The following MYO16 variants were observed in gnomAD, a reference collection of about 807,000 sequenced individuals.
The protein encoded by MYO16 is unconventional myosin-XVI.
Under a neutral mutation model 205.3 loss-of-function variants are expected in MYO16, and 94 were observed. The ratio of observed to expected loss-of-function variants is 0.46; its 90% confidence interval spans 0.39 to 0.54. The LOEUF (loss-of-function observed/expected upper bound fraction) is 0.54. Ranked by LOEUF, MYO16 falls within the 20% of genes least tolerant of loss-of-function variation. The probability of loss-of-function intolerance (pLI) is 0.00; values close to 1 mark genes in which losing one functional copy is unlikely to be tolerated. For synonymous variants in MYO16, 988 were observed against 954.0 expected (o/e 1.04, Z -0.66); for missense variants, 2,315 against 2,387.5 (o/e 0.97, Z 0.63).
At chr13:108,983,445 A>G (rs767283459) in intron 20 of MYO16, among the ~76,000 whole-genome samples, 23 of 152,256 alleles carry the variant, frequency 1.5e-4, no homozygotes, top group Non-Finnish European at 3.2e-4. Context: ...AGAGTTGCAC[A>G]TTCTCTTGAA....
chr13:109,174,993 GC>G (rs1384283553), intron 33 of MYO16, among the ~76,000 whole-genome samples: 3 of 151,748 alleles, frequency 2.0e-5, no homozygotes, highest in African/African-American at 7.2e-5. Flanking sequence ...CTCGTGATCT[GC>G]CCGCCTCAGC....
chr13:108,620,026 A>T (rs1462606306), intron 1 of MYO16, among the ~76,000 whole-genome samples: 1 of 152,130 alleles, frequency 6.6e-6, no homozygotes, highest in African/African-American at 2.4e-5. Context: ...TGGTCAACAG[A>T]GTCATGCTCC....
At chr13:108,915,554 T>C (rs986582823) in intron 16 of MYO16, among the ~76,000 whole-genome samples, 1 of 152,216 alleles carries the variant, frequency 6.6e-6, no homozygotes, top group African/African-American at 2.4e-5. Context: ...TTGTATATTA[T>C]ACAAACGTTA....
intron 4 of MYO16, among the ~76,000 whole-genome samples, chr13:108,782,946 C>T (rs996681035): frequency 1.3e-5 from 2 of 152,146 alleles, no homozygotes; most frequent in African/African-American, 2.4e-5. Context: ...GCTGCAGGGG[C>T]GAGGCCCTCA....
chr13:108,574,708 T>C, the MYO16 span, among the ~76,000 whole-genome samples: 132 of 81,776 alleles, frequency 1.6e-3, 1 homozygote, highest in Middle Eastern at 7.6e-3. Context: ...TGTGTGTGTG[T>C]GCGCTTGTGT....
intron 34 of MYO16, among the ~76,000 whole-genome samples, chr13:109,189,701 C>A (rs999934206): frequency 1.3e-5 from 2 of 152,100 alleles, no homozygotes; most frequent in South Asian, 4.1e-4. Flanking sequence ...GAAAAAAAAT[C>A]GTCTTTTATG....
chr13:108,527,013 T>C, the MYO16 span, among the ~76,000 whole-genome samples: 1 of 152,212 alleles, frequency 6.6e-6, no homozygotes, highest in Non-Finnish European at 1.5e-5. Flanking sequence ...GGTCAAGTCA[T>C]TAAATTTGGA....
In MYO16 at chr13:109,206,713, C is replaced by A. The variant is rs1464509071; in HGVS notation, c.5520C>A (p.Ile1840=). The A allele has an allele frequency of 4.3e-6, 7 of 1,614,058 alleles. No homozygotes were observed. The African/African-American group carries it at 5.3e-5, about 12-fold the overall frequency. Reference sequence around the variant, plus strand: ...AGGAAGGACAAGACTGGCAGCAGATCCTGCACCACGCTGAGCCCAGGGTGC... The same window carrying A: ...AGGAAGGACAAGACTGGCAGCAGATACTGCACCACGCTGAGCCCAGGGTGC... ...LCEEGQDWQQ[I]LHHAEPRVPP... The change falls in exon 35 of 35, where the codon ATC becomes ATA. Residue 1840 remains isoleucine (I), a synonymous_variant. Coordinates refer to ENST00000457511, the MANE Select transcript of MYO16 (RefSeq NM_001198950.3).
At position 109,054,607 on chromosome 13, in the gene MYO16, A is replaced by G. The variant is rs565785716; in HGVS notation, c.3049-439A>G. On this transcript the variant is annotated intron_variant, in intron 25 of 34. Transcript: ENST00000457511. Reference sequence around the variant, plus strand: ...GAGGATCTATGTTTATTTTCACACTAAAATGAGTGCAGGATGGTGATAGAT... The same window carrying G: ...GAGGATCTATGTTTATTTTCACACTGAAATGAGTGCAGGATGGTGATAGAT... Among the ~76,000 whole-genome samples, 17 of 152,234 alleles carry G rather than the reference A, an allele frequency of 1.1e-4. No homozygotes were observed. In the South Asian group the frequency reaches 3.3e-3, roughly 30 times the overall value.
chr13:108,520,937 C>T, the MYO16 span, among the ~76,000 whole-genome samples: 5 of 152,238 alleles, frequency 3.3e-5, no homozygotes, highest in East Asian at 9.7e-4. Context: ...ATGGGTGATT[C>T]CCATCTTCCA....
At chr13:108,841,113 GATGACTCAC>G (rs1877218085) in intron 9 of MYO16, among the ~76,000 whole-genome samples, 1 of 152,136 alleles carries the variant, frequency 6.6e-6, no homozygotes, top group Non-Finnish European at 1.5e-5. Flanking sequence ...AACAAAGTTG[GATGACTCAC>G]ATGACTGGTT....
At chr13:108,696,198 A>C (rs886623936) in intron 2 of MYO16, among the ~76,000 whole-genome samples, 1 of 152,202 alleles carries the variant, frequency 6.6e-6, no homozygotes, top group Non-Finnish European at 1.5e-5. Context: ...AATACATTTT[A>C]ATTTATGCCT....
chr13:108,745,690 A>T (rs115511352), intron 4 of MYO16, among the ~76,000 whole-genome samples: 2,674 of 151,478 alleles, frequency 0.018, 31 homozygotes, highest in Non-Finnish European at 0.02. Context: ...TTGAAGATAT[A>T]AAAAAAACAT....
chr13:109,019,764 A>G lies in MYO16; in HGVS notation c.2649A>G (p.Ser883=). ...ATGAAGAAAGTCAAATGATTTGGTC[A>G]GTGGAATCAAATTTTCCAAAAAAAC... ...LLDEESQMIW[S]VESNFPKKLQ... The change falls in exon 23 of 35, where the codon TCA becomes TCG. Residue 883 remains serine, a synonymous_variant. Coordinates refer to ENST00000457511, the MANE Select transcript of MYO16 (RefSeq NM_001198950.3). The G allele has an allele frequency of 6.2e-7, 1 of 1,614,140 alleles. No homozygotes were observed. The highest frequency in any genetic ancestry group is 1.1e-5 in the South Asian group (1 of 91,084).
intron 20 of MYO16, among the ~76,000 whole-genome samples, chr13:108,972,870 GT>G (rs1160926794): frequency 6.6e-6 from 1 of 151,490 alleles, no homozygotes; most frequent in Non-Finnish European, 1.5e-5. Flanking sequence ...TTGTTTTTTG[GT>G]TTTTTTCTTT....
intron 19 of MYO16, among the ~76,000 whole-genome samples, chr13:108,963,245 A>G (rs1172931389): frequency 2.0e-5 from 3 of 152,106 alleles, no homozygotes; most frequent in African/African-American, 7.2e-5. Context: ...AATCGCTACT[A>G]TTCTTTCTCT....
At chr13:108,826,369 A>G (rs1425622414) in intron 9 of MYO16, among the ~76,000 whole-genome samples, 6 of 152,164 alleles carry the variant, frequency 3.9e-5, no homozygotes, top group African/African-American at 9.7e-5. Context: ...GGATATTCAC[A>G]TGCAAAATAA....
At position 108,620,871 on chromosome 13, in the gene MYO16, A is replaced by C. The variant is rs1166663702; in HGVS notation, c.-39+24632A>C. Among the ~76,000 whole-genome samples, 3 of 152,182 alleles carry C rather than the reference A, an allele frequency of 2.0e-5. No homozygotes were observed. The East Asian group carries it at 5.8e-4, about 29-fold the overall frequency. On this transcript the variant is annotated intron_variant, in intron 1 of 24. Coordinates refer to the MYO16 transcript ENST00000251041. ...AGATCTAAACATCCCACTCCTCTGC[A>C]TTAAAAGCTTCCTTGTCTCTATATG...
chr13:108,961,066 CATAAG>C (rs1471725244), intron 17 of MYO16, among the ~76,000 whole-genome samples: 1 of 152,066 alleles, frequency 6.6e-6, no homozygotes, highest in Non-Finnish European at 1.5e-5. Flanking sequence ...TAATTTATCT[CATAAG>C]AGAGATAGCG....
Sources: allele counts gnomAD v4.1 joint callset (sites outside exome capture counted in the v4.1 genomes callset), GRCh38; gene constraint gnomAD v4.1.1; transcripts MANE v1.5; gene names NCBI Gene and HGNC (gene_info 2026-07-23, HGNC 2026-07-21).